EPHB4: variants seen among roughly 807,000 people sequenced by gnomAD.
EPHB4 encodes the protein ephrin type-B receptor 4.
A neutral mutation model predicts 110.6 loss-of-function variants in EPHB4; 50 were observed. That is an observed-to-expected ratio of 0.45 (90% CI 0.36 to 0.57). The LOEUF is 0.57. EPHB4 is among the 20% of genes least tolerant of loss of function. The pLI, the probability that EPHB4 is intolerant of heterozygous loss-of-function variation, is 0.00. For missense variants in EPHB4, 1,128 were observed against 1,382.1 expected, an observed-to-expected ratio of 0.82 and a Z score of 2.91; for synonymous variants, 592 against 578.4, an observed-to-expected ratio of 1.02 and a Z score of -0.34.
chr7:100,811,260 A>G, intron 12 of EPHB4, among the ~76,000 whole-genome samples: 1 of 148,872 alleles, frequency 6.7e-6, no homozygotes. Flanking sequence ...TCAAGAAAAA[A>G]GAAAAGCTTA....
intron 12 of EPHB4, 70 bp from the exon 13 acceptor site, chr7:100,807,650 T>TC: frequency 1.4e-6 from 2 of 1,467,322 alleles, no homozygotes; most frequent in East Asian, 4.6e-5. Flanking sequence ...ATCCACATCT[T>TC]TTTTTTTTAG....
In EPHB4 at chr7:100,813,336, A is replaced by G. The variant is rs953732052; in HGVS notation, c.1757-128T>C. ...TTTTTTTTTTTTTTTTTTTCCTGAG[A>G]TGGAGTCTCGCTCTGTCACCCAGGC... On this transcript the variant is annotated intron_variant, in intron 10 of 16. Transcript: ENST00000358173. 1.0e-4 allele frequency: 60 copies of G among 591,108 alleles called. No individual in the cohort carries two copies. In the African/African-American group the frequency reaches 1.4e-3, roughly 14 times the overall value. The allele number at this position is 591,108 out of a possible 1,614,324, so 36.6% of individuals were successfully genotyped here.
Position 100,823,679 on chromosome 7 carries a change from G to C in EPHB4, c.376C>G (p.Leu126Val). ...GGGTTCTCCATCCAGGCTGGCGTGA[G>C]GGCCGTGGCCGTGTCCGCATCGCTC... is the stretch of plus-strand genomic sequence containing the variant. ...YESDADTATA[L>V]TPAWMENPYI... Residue 126 changes from leucine to valine, a missense_variant, in exon 3 of 17, where the codon CTC becomes GTC. Coordinates refer to ENST00000358173, the MANE Select transcript of EPHB4 (RefSeq NM_004444.5). 6.2e-7 allele frequency: 1 copy of C among 1,613,358 alleles called. No homozygotes were observed. The highest frequency in any genetic ancestry group is 8.5e-7 in the Non-Finnish European group (1 of 1,179,900).
In EPHB4 at chr7:100,819,704, G is replaced by A. The variant is rs537229085; in HGVS notation, c.1150C>T (p.Arg384Trp). 18 of 1,613,214 alleles carry A rather than the reference G, an allele frequency of 1.1e-5. No individual in the cohort carries two copies. Among genetic ancestry groups the A allele is most frequent in the East Asian group, 1.1e-4 (5 of 44,850 alleles). Residue 384 changes from arginine (R) to tryptophan (W), a missense_variant, in exon 6 of 17, where the codon CGG becomes TGG. By Grantham distance (101) the Arg-to-Trp change is moderately radical. Around this residue, in one of 3 missense-constraint regions of EPHB4, gnomAD observed 728 missense variants for 828.6 expected, o/e 0.88. Transcript: ENST00000358173. ...GGDLTFDPGP[R>W]DLVEPWVVVR... ...ACCACCCAGGGCTCCACCAGGTCCC[G>A]GGGGCCGGGGTCAAAAGTCAGGTCT... is the stretch of plus-strand genomic sequence containing the variant.
chr7:100,818,103 GT>G (rs1398154772), intron 7 of EPHB4, among the ~76,000 whole-genome samples: 1 of 151,896 alleles, frequency 6.6e-6, no homozygotes, highest in African/African-American at 2.4e-5. Context: ...TCCTGACCTT[GT>G]GATCCGCCCA....
rs1813008207 is a variant in EPHB4, at chr7:100,814,002, C to T, written c.1608G>A (p.Glu536=). The T allele has an allele frequency of 3.1e-6, 5 of 1,614,122 alleles. No homozygotes were observed. The East Asian group carries it at 8.9e-5, about 29-fold the overall frequency. Residue 536 remains glutamate, a synonymous_variant, in exon 9 of 17, where the codon GAG becomes GAA. Transcript: ENST00000358173. ...TQLDESEGWR[E]QLALIAGTAV... Reference sequence around the variant, plus strand: ...CCGTGCCCGCAATCAGGGCCAGCTGCTCCCGCCAGCCCTCGCTCTCTGCGG... The same window carrying T: ...CCGTGCCCGCAATCAGGGCCAGCTGTTCCCGCCAGCCCTCGCTCTCTGCGG...
intron 12 of EPHB4, among the ~76,000 whole-genome samples, chr7:100,807,801 T>A (rs531144283): frequency 3.3e-5 from 5 of 152,190 alleles, no homozygotes; most frequent in African/African-American, 1.2e-4. Flanking sequence ...GATAATTTTT[T>A]AATTTTTAGT....
At chr7:100,815,758 G>A (rs73170798) in intron 8 of EPHB4, among the ~76,000 whole-genome samples, 1 of 152,052 alleles carries the variant, frequency 6.6e-6, no homozygotes, top group Non-Finnish European at 1.5e-5. Context: ...AGGCCGATGC[G>A]GGAGGATTGC....
Position 100,819,760 on chromosome 7 carries a change from C to T in EPHB4, c.1094G>A (p.Arg365Gln), listed in dbSNP as rs1234615886. Residue 365 changes from arginine (R) to glutamine (Q), a missense_variant, in exon 6 of 17, where the codon CGA (arginine) becomes CAA (glutamine). This residue lies in a region of EPHB4 where 728 missense variants were observed against 828.6 expected (regional missense o/e 0.88). Transcript: ENST00000358173. ...GCAGGGCGCACAGGAGCCTCCGGGT[C>T]GGCACTCCCGGCAGCGGAGGGCGTA... ...LTYALRCREC[R>Q]PGGSCAPCGG... 41 of 1,599,342 alleles carry T rather than the reference C, an allele frequency of 2.6e-5. No homozygotes were observed. The highest frequency in any genetic ancestry group is 3.3e-5 in the Non-Finnish European group (39 of 1,173,466).
intron 16 of EPHB4, among the ~76,000 whole-genome samples, chr7:100,804,289 C>CCACCTGG (rs1261189509): frequency 3.3e-5 from 5 of 151,056 alleles, no homozygotes; most frequent in Admixed American, 6.6e-5. Flanking sequence ...GCGTGAGCCA[C>CCACCTGG]CACCTGGCCT....
At chr7:100,812,452 G>A (rs1812956795) in intron 12 of EPHB4, among the ~76,000 whole-genome samples, 1 of 152,072 alleles carries the variant, frequency 6.6e-6, no homozygotes, top group African/African-American at 2.4e-5. Flanking sequence ...TAGTCAGCAT[G>A]GTGGTGCATG....
chr7:100,806,697 C>G (rs1037108256), intron 13 of EPHB4, 128 bp from the exon 14 acceptor site: 1 of 1,141,102 alleles, frequency 8.8e-7, no homozygotes, highest in African/African-American at 1.6e-5. Context: ...GCCTCCTACT[C>G]TCCAACTCTG....
intron 13 of EPHB4, 95 bp downstream of exon 13, chr7:100,807,270 A>G (rs1287701667): frequency 3.0e-6 from 4 of 1,313,022 alleles, no homozygotes; most frequent in Non-Finnish European, 4.3e-6. Flanking sequence ...CTCTCCCTGG[A>G]GCAGGGCTGC....
Position 100,822,433 on chromosome 7 carries a change from C to T in EPHB4, c.646G>A (p.Val216Ile), listed in dbSNP as rs959789503. The change falls in exon 4 of 17, where the codon GTT becomes ATT. Residue 216 changes from valine to isoleucine, a missense_variant. By Grantham distance (29) the Val-to-Ile change is conservative (BLOSUM62 3). Transcript: ENST00000358173. The surrounding 1 kb of genome is among the most constrained non-coding windows in gnomAD (Gnocchi z 4.7). Reference protein sequence around the residue: ...RFPETVPRELVVPVAGSCVVD... With the variant: ...RFPETVPRELIVPVAGSCVVD... ...ACGCAGCTACCGGCCACGGGCACAA[C>T]CAGCTCCCGAGGCACAGTCTCCGGG... is the stretch of plus-strand genomic sequence containing the variant. The T allele has an allele frequency of 6.2e-7, 1 of 1,601,084 alleles. No homozygotes were observed. The highest frequency in any genetic ancestry group is 8.5e-7 in the Non-Finnish European group (1 of 1,172,186).
chr7:100,820,001 CCA>C (rs1260776388), intron 5 of EPHB4, 112 bp from the exon 6 acceptor site: 2 of 1,475,934 alleles, frequency 1.4e-6, no homozygotes, highest in African/African-American at 1.4e-5. Context: ...ACAGTGGGCT[CCA>C]CATGTTCCTC....
In EPHB4 at chr7:100,803,494, C is replaced by A; in HGVS notation, c.2931G>T (p.Pro977=). Residue 977 remains proline, a synonymous_variant, in exon 17 of 17, where the codon CCG becomes CCT. Coordinates refer to ENST00000358173, the MANE Select transcript of EPHB4 (RefSeq NM_004444.5). ...HMKSQAKPGT[P]GGTGGPAPQY is the part of the protein sequence containing the mutation. ...GCGGGGCCGGTCCTCCTGTCCCACC[C>A]GGGGTTCCCGGCTTGGCCTGGGACT... 1 of 1,584,112 alleles carries A rather than the reference C, an allele frequency of 6.3e-7. No homozygotes were observed. Among genetic ancestry groups the A allele is most frequent in the Non-Finnish European group, 8.6e-7 (1 of 1,163,938 alleles).
chr7:100,817,345 G>A lies in EPHB4; in HGVS notation c.1435C>T (p.Pro479Ser), dbSNP rs1452048089. The part of the protein sequence containing the change: ...VKYHEKGAEG[P>S]SSVRFLKTSE... Reference sequence around the variant, plus strand: ...GTCTTCAGGAACCGCACGCTGCTGGGACCCTCGGCGCCCTGTCCGGGAGAG... The same window carrying A: ...GTCTTCAGGAACCGCACGCTGCTGGAACCCTCGGCGCCCTGTCCGGGAGAG... The change falls in exon 8 of 17, where the codon CCC (proline) becomes TCC (serine). Residue 479 changes from proline to serine, a missense_variant. Pro to Ser is a moderately conservative substitution (Grantham distance 74). Coordinates refer to ENST00000358173, the MANE Select transcript of EPHB4 (RefSeq NM_004444.5). 1 of 1,572,876 alleles carries A rather than the reference G, an allele frequency of 6.4e-7. No individual in the cohort carries two copies. The highest frequency in any genetic ancestry group is 1.4e-5 in the African/African-American group (1 of 73,728).
intron 16 of EPHB4, among the ~76,000 whole-genome samples, 158 bp downstream of exon 16, chr7:100,805,008 G>A (rs1812784843): frequency 6.6e-6 from 1 of 152,192 alleles, no homozygotes; most frequent in Admixed American, 6.5e-5. Context: ...ATGGGGCTGT[G>A]ACTGCTCCTC....
At position 100,823,647 on chromosome 7, in the gene EPHB4, G is replaced by C. The variant is rs1051629299; in HGVS notation, c.408C>G (p.Ile136Met). 6.2e-7 allele frequency: 1 copy of C among 1,611,438 alleles called. No individual in the cohort carries two copies. Among genetic ancestry groups the C allele is most frequent in the Non-Finnish European group, 8.5e-7 (1 of 1,178,614 alleles). ...LTPAWMENPY[I>M]KVDTVAAEHL... ...AGCCCTGGGGGCACCCAGGTACCTT[G>C]ATGTAGGGGTTCTCCATCCAGGCTG... The change falls in exon 3 of 17, where the codon ATC (isoleucine) becomes ATG (methionine). Residue 136 changes from isoleucine (I) to methionine (M), a missense_variant. Physicochemically the swap from Ile to Met is conservative, Grantham distance 10. Coordinates refer to ENST00000358173, the MANE Select transcript of EPHB4 (RefSeq NM_004444.5).
Sources: gnomAD v4.1 joint callset for allele counts (sites outside exome capture counted in the v4.1 genomes callset) on GRCh38, gnomAD v4.1.1 for gene constraint, gnomAD v4.1.1 regional missense constraint, Gnocchi (gnomAD v3.1) non-coding constraint, MANE v1.5 for transcripts, NCBI Gene and HGNC (gene_info 2026-07-23, HGNC 2026-07-21) for gene names.